WT1: variants seen among roughly 807,000 people sequenced by gnomAD.
WT1 encodes the protein WT1 transcription factor.
WT1 carries 8 observed loss-of-function variants against 60.8 expected under a neutral mutation model. The observed-to-expected ratio is 0.13, with a 90% CI of 0.08 to 0.24. The LOEUF (loss-of-function observed/expected upper bound fraction) is 0.24. Ranked by LOEUF, WT1 falls within the 10% of genes least tolerant of loss-of-function variation. The pLI is 1.00. For missense variants in WT1, 568 were observed against 711.8 expected (o/e 0.80, Z 2.30); for synonymous variants, 312 against 297.1 (o/e 1.05, Z -0.52).
At chr11:32,392,423 T>C (rs574169738) in intron 8 of WT1, among the ~76,000 whole-genome samples, 1 of 152,194 alleles carries the variant, frequency 6.6e-6, no homozygotes, top group Non-Finnish European at 1.5e-5. Flanking sequence ...CAGTGTATCA[T>C]CAGCCCACTG....
In WT1 at chr11:32,414,325, T is replaced by C. The variant is rs540646541; in HGVS notation, c.1016+2165A>G. Among the ~76,000 whole-genome samples, 3 of 152,354 alleles carry C rather than the reference T, an allele frequency of 2.0e-5. No individual in the cohort carries two copies. In the South Asian group the frequency reaches 6.2e-4, roughly 32 times the overall value. Reference sequence around the variant, plus strand: ...TCTCACTCTATCGCCCAGGCTGGAATGCAGTGGCCTGATCTTGGCTCACTG... The same window carrying C: ...TCTCACTCTATCGCCCAGGCTGGAACGCAGTGGCCTGATCTTGGCTCACTG... On this transcript the variant is annotated intron_variant, in intron 5 of 9. Coordinates refer to ENST00000452863, the MANE Select transcript of WT1 (RefSeq NM_024426.6).
chr11:32,411,575 G>A lies in WT1; in HGVS notation c.1016+4915C>T, dbSNP rs184465287. On this transcript the variant is annotated intron_variant, in intron 5 of 9. Transcript: ENST00000452863. ...GGGGAGTTTTAATTTCCTTCTCTGC[G>A]TAGTTGTATTTTCTAACTGTTCTAT... 1.2e-3 allele frequency among the ~76,000 whole-genome samples: 184 copies of A among 152,130 alleles called. 3 individuals carry two copies. The highest frequency in any genetic ancestry group is 4.3e-3 in the African/African-American group (177 of 41,478).
Position 32,427,945 on chromosome 11 carries a change from C to A in WT1, c.887+11G>T, listed in dbSNP as rs1286407878. On this transcript the variant is annotated intron_variant, in intron 3 of 9. Coordinates refer to ENST00000452863, the MANE Select transcript of WT1 (RefSeq NM_024426.6). Reference sequence around the variant, plus strand: ...CCAAGGACCCAGACGCAGAGCCCAGCGCCTTCCTACCTGCTGTAGGGCGTC... The same window carrying A: ...CCAAGGACCCAGACGCAGAGCCCAGAGCCTTCCTACCTGCTGTAGGGCGTC... 5 of 1,604,958 alleles carry A rather than the reference C, an allele frequency of 3.1e-6. No homozygotes were observed. The South Asian group carries it at 4.5e-5, about 14-fold the overall frequency.
intron 2 of WT1, 122 bp downstream of exon 2, chr11:32,428,375 A>C: frequency 6.6e-7 from 1 of 1,525,826 alleles, no homozygotes; most frequent in South Asian, 1.2e-5. Context: ...TGGGGTAATG[A>C]TTTCTAAGGT....
chr11:32,396,462 G>A (rs577234771), intron 6 of WT1, 55 bp from the exon 7 acceptor site: 19 of 1,605,862 alleles, frequency 1.2e-5, no homozygotes, highest in East Asian at 6.7e-5. Context: ...GAACATTCAC[G>A]TAGGTCTTGA....
At chr11:32,399,895 G>A (rs1852094245) in intron 6 of WT1, 53 bp downstream of exon 6, 1 of 1,592,116 alleles carries the variant, frequency 6.3e-7, no homozygotes, top group Non-Finnish European at 8.6e-7. Context: ...GGGCCGGTAA[G>A]TAGGAAGAGG....
At chr11:32,424,217 G>T (rs1764804831) in intron 3 of WT1, among the ~76,000 whole-genome samples, 1 of 150,648 alleles carries the variant, frequency 6.6e-6, no homozygotes, top group South Asian at 2.1e-4. Context: ...TAATCAGATA[G>T]GGAATCCTGC....
rs1438888966 is a variant in WT1 at position 32,416,543 on chromosome 11, AG to A, written c.966-4del. The A allele has an allele frequency of 6.2e-7, 1 of 1,613,950 alleles. No individual in the cohort carries two copies. Among genetic ancestry groups the A allele is most frequent in the East Asian group, 2.2e-5 (1 of 44,888 alleles). On this transcript the variant is annotated splice_region_variant and splice_polypyrimidine_tract_variant and intron_variant, in intron 4 of 9. Transcript: ENST00000452863. Reference sequence around the variant, plus strand: ...AGCTGGAGCTCCCAGCAGCAACTCTAGAAAAGAAGAAGAGGTGGGGAGTGGG... The same window carrying A: ...AGCTGGAGCTCCCAGCAGCAACTCTAAAAAGAAGAAGAGGTGGGGAGTGGG...
chr11:32,413,286 A>G (rs1852559704), intron 5 of WT1, among the ~76,000 whole-genome samples: 1 of 152,226 alleles, frequency 6.6e-6, no homozygotes, highest in African/African-American at 2.4e-5. Flanking sequence ...CTTAACATTG[A>G]TTTCAAACAG....
At position 32,388,463 on chromosome 11, in the gene WT1, C is replaced by T. The variant is rs1851724379; in HGVS notation, c.*595G>A. ...TACTGGTTAGTTCTGATTTTTTCTT[C>T]AGCTGCTTGAAATGCATGAGCTTTA... is the stretch of plus-strand genomic sequence containing the variant. On this transcript the variant is annotated 3_prime_UTR_variant, in exon 10 of 10. Coordinates refer to ENST00000452863, the MANE Select transcript of WT1 (RefSeq NM_024426.6). The T allele has an allele frequency of 1.3e-5, 3 of 237,550 alleles. No individual in the cohort carries two copies. The highest frequency in any genetic ancestry group is 2.2e-5 in the African/African-American group (1 of 45,386). 14.7% of individuals were successfully genotyped at this position (237,550 alleles called of 1,614,324 possible). A position where few individuals can be genotyped will look rare whatever the true frequency, so the allele number is the denominator to read the frequency against.
chr11:32,430,404 A>AG (rs1564997438), intron 1 of WT1: 39 of 1,319,780 alleles, frequency 3.0e-5, no homozygotes, highest in Non-Finnish European at 3.9e-5. Flanking sequence ...GGACACTAAA[A>AG]AGAGAGAGAG....
chr11:32,434,629 G>C, intron 1 of WT1, 71 bp downstream of exon 1: 1 of 1,608,090 alleles, frequency 6.2e-7, no homozygotes, highest in Non-Finnish European at 8.5e-7. Flanking sequence ...GTAGGAGAGG[G>C]GGGTGTCCTA....
intron 1 of WT1, chr11:32,430,570 G>A (rs773408487): frequency 2.5e-6 from 4 of 1,609,378 alleles, no homozygotes; most frequent in Non-Finnish European, 3.4e-6. Flanking sequence ...AGGGACCCAG[G>A]GCACTGCACA....
At chr11:32,389,509 G>A (rs1851755227) in intron 9 of WT1, among the ~76,000 whole-genome samples, 1 of 152,236 alleles carries the variant, frequency 6.6e-6, no homozygotes, top group African/African-American at 2.4e-5. Flanking sequence ...CTGATAGAAT[G>A]TTTTGTGAAC....
At chr11:32,418,896 AAGGAGGAAATCAGATTCC>A (rs1470355508) in intron 3 of WT1, among the ~76,000 whole-genome samples, 1 of 152,214 alleles carries the variant, frequency 6.6e-6, no homozygotes, top group Non-Finnish European at 1.5e-5. Context: ...TACACAGGAT[AAGGAGGAAATCAGATTCC>A]AGGAGGGAAT....
chr11:32,390,955 C>G (rs1339071806), intron 9 of WT1, among the ~76,000 whole-genome samples: 2 of 143,982 alleles, frequency 1.4e-5, no homozygotes, highest in East Asian at 2.1e-4. Flanking sequence ...ATAAAACATG[C>G]CTACCTCATT....
chr11:32,424,742 AG>A (rs1299498283), intron 3 of WT1, among the ~76,000 whole-genome samples: 1 of 152,212 alleles, frequency 6.6e-6, no homozygotes, highest in Admixed American at 6.5e-5. Context: ...CCTGAGAGAA[AG>A]GAGGGAATTG....
chr11:32,388,809 T>C lies in WT1; in HGVS notation c.*249A>G, dbSNP rs895550196. The C allele has an allele frequency of 2.0e-5, 12 of 608,898 alleles. No homozygotes were observed. Among genetic ancestry groups the C allele is most frequent in the Non-Finnish European group, 3.1e-5 (11 of 357,534 alleles). 37.7% of individuals were successfully genotyped at this position (608,898 alleles called of 1,614,324 possible). A position where few individuals can be genotyped will look rare whatever the true frequency, so the allele number is the denominator to read the frequency against. On this transcript the variant is annotated 3_prime_UTR_variant, in exon 10 of 10. Coordinates refer to ENST00000452863, the MANE Select transcript of WT1 (RefSeq NM_024426.6). ...AAATCCACACCAAATGGCAATGGGC[T>C]TTTAACTAACCAGACATTGTTAGCT...
Position 32,435,227 on chromosome 11 carries a change from C to T in WT1, c.134G>A (p.Trp45Ter). ...GGCCTCGGCGGCGCCTAACTTGGCC[C>T]AGATGCCGCCCGGGTCCCGGACTCC... Residue 45 changes from tryptophan (W) to a stop codon, truncating the protein, a stop_gained, in exon 1 of 10, where the codon TGG becomes TAG. Coordinates refer to ENST00000452863, the MANE Select transcript of WT1 (RefSeq NM_024426.6). LOFTEE classifies it high-confidence loss of function. The T allele has an allele frequency of 6.5e-7, 1 of 1,535,616 alleles. No homozygotes were observed. The highest frequency in any genetic ancestry group is 1.2e-5 in the South Asian group (1 of 84,156).
Sources: gnomAD v4.1 joint callset for allele counts (sites outside exome capture counted in the v4.1 genomes callset) on GRCh38, gnomAD v4.1.1 for gene constraint, MANE v1.5 for transcripts, NCBI Gene and HGNC (gene_info 2026-07-23, HGNC 2026-07-21) for gene names.